Variants in MTMR7 observed in about 807,000 individuals in gnomAD.
MTMR7 encodes the protein myotubularin related protein 7.
Under a neutral mutation model 81.2 loss-of-function variants are expected in MTMR7, and 76 were observed. That is an observed-to-expected ratio of 0.94 (90% CI 0.78 to 1.13). The LOEUF is 1.13. MTMR7 is among the 50% of genes most tolerant of loss of function. The pLI, the probability that MTMR7 is intolerant of heterozygous loss-of-function variation, is 0.00. For missense variants in MTMR7, 1,044 were observed against 820.0 expected (o/e 1.27, Z -3.34); for synonymous variants, 372 against 289.8 (o/e 1.28, Z -2.88).
chr8:17,371,848 A>G (rs1358413719), intron 2 of MTMR7, among the ~76,000 whole-genome samples: 1 of 135,822 alleles, frequency 7.4e-6, no homozygotes, highest in Non-Finnish European at 1.5e-5. Context: ...TCACTTACCT[A>G]TAGTTTTTTT....
chr8:17,373,930 T>C (rs75259238), intron 1 of MTMR7, among the ~76,000 whole-genome samples: 216 of 152,292 alleles, frequency 1.4e-3, no homozygotes, highest in Non-Finnish European at 1.9e-3. Flanking sequence ...ACTGAGATCA[T>C]CCTAACATGA....
chr8:17,389,994 T>C (rs1163824911), intron 1 of MTMR7, among the ~76,000 whole-genome samples: 1 of 151,638 alleles, frequency 6.6e-6, no homozygotes. Context: ...GCACATGAAT[T>C]GGGAAGATAA....
In MTMR7 at chr8:17,299,156, T is replaced by C. The variant is rs1586119080; in HGVS notation, c.*706A>G. On this transcript the variant is annotated 3_prime_UTR_variant, in exon 14 of 14. Transcript: ENST00000180173. ...AGACCAGGAGAATGAATGTTGCTTC[T>C]ACCTCGTTAGCTATTAAATCAGTGT... 1 of 152,344 alleles carries C rather than the reference T, an allele frequency of 6.6e-6. No individual in the cohort carries two copies. Among genetic ancestry groups the C allele is most frequent in the South Asian group, 2.1e-4 (1 of 4,826 alleles). The allele number at this position is 152,344 out of a possible 1,614,324, so 9.4% of individuals were successfully genotyped here. A position where few individuals can be genotyped will look rare whatever the true frequency, so the allele number is the denominator to read the frequency against.
intron 1 of MTMR7, among the ~76,000 whole-genome samples, chr8:17,389,828 G>C (rs1433494959): frequency 6.6e-6 from 1 of 151,898 alleles, no homozygotes. Context: ...GAGAATACTG[G>C]AGGAGAAAAA....
chr8:17,390,382 A>C (rs73211110), intron 1 of MTMR7, among the ~76,000 whole-genome samples: 1 of 151,992 alleles, frequency 6.6e-6, no homozygotes, highest in African/African-American at 2.4e-5. Flanking sequence ...GAGCAGCACC[A>C]AGGCGATGGT....
At chr8:17,372,971 A>G (rs1820465339) in intron 2 of MTMR7, 147 bp downstream of exon 2, 2 of 899,264 alleles carry the variant, frequency 2.2e-6, no homozygotes, top group Non-Finnish European at 3.3e-6. Context: ...GCACAGAAAA[A>G]GTCCAAACAC....
At chr8:17,398,078 G>T (rs570257542) in intron 1 of MTMR7, among the ~76,000 whole-genome samples, 1 of 152,092 alleles carries the variant, frequency 6.6e-6, no homozygotes, top group South Asian at 2.1e-4. Context: ...CAATAAATAT[G>T]ACAACAAACA....
chr8:17,348,208 T>TA (rs1819618046), intron 5 of MTMR7, among the ~76,000 whole-genome samples: 1 of 152,080 alleles, frequency 6.6e-6, no homozygotes, highest in Non-Finnish European at 1.5e-5. Context: ...AAAGATTTCT[T>TA]ATACTGAAGA....
chr8:17,358,763 C>T (rs1819972356), intron 4 of MTMR7, among the ~76,000 whole-genome samples: 3 of 151,912 alleles, frequency 2.0e-5, no homozygotes, highest in Admixed American at 2.0e-4. Context: ...ACAATTAGGC[C>T]CTTTATGCCT....
chr8:17,384,203 C>T (rs1299372370), intron 1 of MTMR7, among the ~76,000 whole-genome samples: 1 of 152,044 alleles, frequency 6.6e-6, no homozygotes, highest in African/African-American at 2.4e-5. Flanking sequence ...TTGAGGCCGA[C>T]AGTTCGAGAC....
chr8:17,323,701 A>G (rs2150514522), intron 7 of MTMR7, among the ~76,000 whole-genome samples: 1 of 152,244 alleles, frequency 6.6e-6, no homozygotes, highest in East Asian at 1.9e-4. Flanking sequence ...TTCCAGGACC[A>G]ACACTCCTAT....
At chr8:17,326,894 A>T (rs1008343068) in intron 7 of MTMR7, among the ~76,000 whole-genome samples, 1 of 152,224 alleles carries the variant, frequency 6.6e-6, no homozygotes, top group African/African-American at 2.4e-5. Flanking sequence ...ATCATTTTTT[A>T]AAAAAGGAAT....
At chr8:17,343,061 G>A (rs74864629) in intron 5 of MTMR7, among the ~76,000 whole-genome samples, 1 of 152,154 alleles carries the variant, frequency 6.6e-6, no homozygotes, top group Admixed American at 6.5e-5. Flanking sequence ...TCTGCCACCT[G>A]CTCAGAGGGA....
rs530240881 is a variant in MTMR7 at position 17,408,395 on chromosome 8, C to CAAAA, written c.24+4870_24+4873dup. ...TGGGCGACAGAGCGAGACTCCGTCTCAAAAAAAAAAAAAAAAAAAAAAAGA... is the reference window on the plus strand; with the variant it reads ...TGGGCGACAGAGCGAGACTCCGTCTCAAAAAAAAAAAAAAAAAAAAAAAAAAAGA... On this transcript the variant is annotated intron_variant, in intron 1 of 13. Coordinates refer to ENST00000180173, the MANE Select transcript of MTMR7 (RefSeq NM_004686.5). 7.3e-3 allele frequency among the ~76,000 whole-genome samples: 171 copies of CAAAA among 23,502 alleles called. 8 individuals carry two copies. The highest frequency in any genetic ancestry group is 0.016 in the African/African-American group (166 of 10,652). The allele number at this position is 23,502 out of a possible 152,430, so 15.4% of individuals were successfully genotyped here. A position where few individuals can be genotyped will look rare whatever the true frequency, so the allele number is the denominator to read the frequency against.
intron 6 of MTMR7, among the ~76,000 whole-genome samples, chr8:17,332,136 G>C (rs940188621): frequency 2.6e-5 from 4 of 152,152 alleles, no homozygotes; most frequent in African/African-American, 9.7e-5. Flanking sequence ...CTAGAAAACA[G>C]CATTCGCTGA....
chr8:17,379,872 A>C (rs1303986732), intron 1 of MTMR7, among the ~76,000 whole-genome samples: 1 of 152,160 alleles, frequency 6.6e-6, no homozygotes, highest in East Asian at 1.9e-4. Flanking sequence ...AATCTAATCT[A>C]AACTGTCTGA....
intron 1 of MTMR7, among the ~76,000 whole-genome samples, chr8:17,392,453 G>C (rs960931962): frequency 1.3e-5 from 2 of 152,164 alleles, no homozygotes; most frequent in Non-Finnish European, 2.9e-5. Context: ...CCTTTTTAAA[G>C]CTTTCATGGC....
At chr8:17,392,361 T>A (rs1003882531) in intron 1 of MTMR7, among the ~76,000 whole-genome samples, 1 of 152,216 alleles carries the variant, frequency 6.6e-6, no homozygotes, top group Non-Finnish European at 1.5e-5. Flanking sequence ...TAGACTTACA[T>A]AGGAGGTTAC....
intron 1 of MTMR7, among the ~76,000 whole-genome samples, chr8:17,379,591 C>A (rs1402030767): frequency 6.6e-6 from 1 of 152,154 alleles, no homozygotes; most frequent in Non-Finnish European, 1.5e-5. Flanking sequence ...TCCTAACAAA[C>A]TTTCGCCCCC....
Sources: allele counts gnomAD v4.1 joint callset (sites outside exome capture counted in the v4.1 genomes callset), GRCh38; gene constraint gnomAD v4.1.1; transcripts MANE v1.5; gene names NCBI Gene and HGNC (gene_info 2026-07-23, HGNC 2026-07-21).